ATXN1: variants seen among roughly 807,000 people sequenced by gnomAD.
ATXN1 encodes the protein ataxin-1.
ATXN1 carries 8 observed loss-of-function variants against 56.4 expected under a neutral mutation model. That is an observed-to-expected ratio of 0.14 (90% CI 0.08 to 0.26). The LOEUF is 0.26. ATXN1 is among the 10% of genes least tolerant of loss of function. The pLI is 1.00. For synonymous variants in ATXN1, 514 were observed against 494.6 expected, an observed-to-expected ratio of 1.04 and a Z score of -0.52; for missense variants, 987 against 1,106.5, an observed-to-expected ratio of 0.89 and a Z score of 1.53.
chr6:16,688,631 T>C lies in ATXN1; in HGVS notation c.-614-30730A>G, dbSNP rs118172138. On this transcript the variant is annotated intron_variant, in intron 2 of 7. Transcript: ENST00000436367. ...ATAGCCAGCCTTGCTCAACATAATA[T>C]TGCAAACCCAAAACAGGGTAATTGT... 5.6e-3 allele frequency among the ~76,000 whole-genome samples: 849 copies of C among 152,322 alleles called. 15 individuals are homozygous for C. Among genetic ancestry groups the C allele is most frequent in the Admixed American group, 0.032 (489 of 15,292 alleles).
chr6:16,336,098 T>C (rs527286811), intron 6 of ATXN1, among the ~76,000 whole-genome samples: 1 of 152,364 alleles, frequency 6.6e-6, no homozygotes, highest in East Asian at 1.9e-4. Context: ...CTTACTTAAA[T>C]ATCTCATTTA....
chr6:16,471,390 G>C (rs1760213860), intron 6 of ATXN1, among the ~76,000 whole-genome samples: 1 of 152,194 alleles, frequency 6.6e-6, no homozygotes, highest in African/African-American at 2.4e-5. Context: ...GAAGTAAATG[G>C]AGATGCCTTA....
intron 3 of ATXN1, among the ~76,000 whole-genome samples, chr6:16,633,950 C>T (rs1763549501): frequency 6.6e-6 from 1 of 152,206 alleles, no homozygotes; most frequent in African/African-American, 2.4e-5. Flanking sequence ...CTACTAATTA[C>T]AGCAAGCCCG....
chr6:16,725,844 A>T (rs1759837249), intron 2 of ATXN1, among the ~76,000 whole-genome samples: 1 of 152,232 alleles, frequency 6.6e-6, no homozygotes, highest in African/African-American at 2.4e-5. Flanking sequence ...CAATACATAC[A>T]GACCTTTTTA....
At chr6:16,509,648 C>T (rs1761042378) in intron 5 of ATXN1, among the ~76,000 whole-genome samples, 1 of 152,168 alleles carries the variant, frequency 6.6e-6, no homozygotes, top group African/African-American at 2.4e-5. Context: ...TACTCCTTCT[C>T]TTGGAATGGG....
chr6:16,541,537 T>C (rs1362758304), intron 4 of ATXN1, among the ~76,000 whole-genome samples: 1 of 152,230 alleles, frequency 6.6e-6, no homozygotes, highest in Non-Finnish European at 1.5e-5. Context: ...GAAGTCAAAG[T>C]GTGCTCAAGG....
At chr6:16,358,382 T>C (rs575612269) in intron 6 of ATXN1, among the ~76,000 whole-genome samples, 79 of 152,304 alleles carry the variant, frequency 5.2e-4, no homozygotes, top group African/African-American at 1.9e-3. Flanking sequence ...CAATTCGCAA[T>C]TGCAGAAATA....
chr6:16,578,744 G>GAA lies in ATXN1; in HGVS notation c.-361+7034_-361+7035dup, dbSNP rs11390101. 2.6e-4 allele frequency among the ~76,000 whole-genome samples: 37 copies of GAA among 141,846 alleles called. 1 individual carries two copies. Among genetic ancestry groups the GAA allele is most frequent in the African/African-American group, 9.2e-4 (37 of 40,124 alleles). The allele number at this position is 141,846 out of a possible 152,430, so 93.1% of individuals were successfully genotyped here. On this transcript the variant is annotated intron_variant, in intron 4 of 7. Transcript: ENST00000436367. ...GATAACTAGAGTAGCAGGAAAAAGA[G>GAA]AAAAAAAAAAAAATCACAAGACGAT...
chr6:16,400,452 T>A (rs1758544816), intron 6 of ATXN1, among the ~76,000 whole-genome samples: 4 of 152,052 alleles, frequency 2.6e-5, no homozygotes, highest in Admixed American at 2.6e-4. Context: ...ACATGGCCAT[T>A]GGCTTCCATT....
At chr6:16,671,410 A>G (rs1758539549) in intron 2 of ATXN1, among the ~76,000 whole-genome samples, 1 of 152,004 alleles carries the variant, frequency 6.6e-6, no homozygotes, top group African/African-American at 2.4e-5. Context: ...GGGTATCAGG[A>G]AAGATTCTGG....
At chr6:16,398,916 A>G (rs182044139) in intron 6 of ATXN1, among the ~76,000 whole-genome samples, 56 of 152,360 alleles carry the variant, frequency 3.7e-4, no homozygotes, top group Non-Finnish European at 5.9e-4. Context: ...TGGCTTTCAG[A>G]AAAAGTTGAA....
chr6:16,471,071 C>T (rs1760207234), intron 6 of ATXN1, among the ~76,000 whole-genome samples: 1 of 152,106 alleles, frequency 6.6e-6, no homozygotes, highest in Non-Finnish European at 1.5e-5. Context: ...TGGAAACAAA[C>T]TGCGCCTACT....
At chr6:16,689,521 C>CTTTTTTTTTT (rs11374047) in intron 2 of ATXN1, among the ~76,000 whole-genome samples, 17 of 105,204 alleles carry the variant, frequency 1.6e-4, no homozygotes, top group African/African-American at 2.2e-4. Flanking sequence ...TTTTTTTTTT[C>CTTTTTTTTTT]TTTTTTTTTT....
chr6:16,326,371 T>A lies in ATXN1; in HGVS notation c.1917+23A>T. The A allele has an allele frequency of 4.3e-6, 7 of 1,610,228 alleles. No homozygotes were observed. Among genetic ancestry groups the A allele is most frequent in the Non-Finnish European group, 5.9e-6 (7 of 1,178,368 alleles). On this transcript the variant is annotated intron_variant, in intron 7 of 7. Transcript: ENST00000436367. This position sits in a 1 kb window ranked among gnomAD's most constrained non-coding sequence, Gnocchi z 6.6. ...GCATCACGGTGTGGTGTCCCATCCC[T>A]GTGCCACCCTGGCTAACGTTACCTG...
intron 6 of ATXN1, among the ~76,000 whole-genome samples, chr6:16,397,717 A>G (rs889209433): frequency 1.3e-5 from 2 of 152,182 alleles, no homozygotes; most frequent in African/African-American, 4.8e-5. Context: ...AGAGTTTCCA[A>G]CTAATCTATT....
chr6:16,643,547 T>A (rs1024119128), intron 3 of ATXN1, among the ~76,000 whole-genome samples: 4 of 145,122 alleles, frequency 2.8e-5, no homozygotes, highest in Non-Finnish European at 5.9e-5. Flanking sequence ...GAAGATCACT[T>A]GAGGCCCGGA....
chr6:16,532,249 GAA>G (rs1761518753), intron 4 of ATXN1, among the ~76,000 whole-genome samples: 1 of 152,178 alleles, frequency 6.6e-6, no homozygotes, highest in African/African-American at 2.4e-5. Flanking sequence ...TTTTCTTAGT[GAA>G]AAGTTAGATG....
chr6:16,340,494 A>G (rs1336484250), intron 6 of ATXN1, among the ~76,000 whole-genome samples: 1 of 152,158 alleles, frequency 6.6e-6, no homozygotes, highest in Non-Finnish European at 1.5e-5. Context: ...GACCTCTCCT[A>G]TATGCCTCTT....
In ATXN1 at chr6:16,328,038, G is replaced by A. The variant is rs758322663; in HGVS notation, c.273C>T (p.Ser91=). The part of the protein sequence containing the change: ...LSTGLDYSPP[S]APRSVPVATT... ...TGGCCACGGGGACAGACCTGGGAGC[G>A]CTGGGCGGGGAGTAGTCCAGCCCTG... Residue 91 remains serine, a synonymous_variant, in exon 7 of 8, where the codon AGC becomes AGT. Transcript: ENST00000436367. The surrounding 1 kb of genome is among the most constrained non-coding windows in gnomAD (Gnocchi z 6.2). 23 of 1,613,598 alleles carry A rather than the reference G, an allele frequency of 1.4e-5. No homozygotes were observed. Among genetic ancestry groups the A allele is most frequent in the Admixed American group, 1.7e-5 (1 of 59,980 alleles).
Sources: allele counts gnomAD v4.1 joint callset (sites outside exome capture counted in the v4.1 genomes callset), GRCh38; gene constraint gnomAD v4.1.1; non-coding constraint Gnocchi (gnomAD v3.1); transcripts MANE v1.5; gene names NCBI Gene and HGNC (gene_info 2026-07-23, HGNC 2026-07-21).